Variants in DSE observed in about 807,000 individuals in gnomAD.
DSE encodes dermatan sulfate epimerase, also known as dermatan-sulfate epimerase.
DSE carries 36 observed loss-of-function variants against 84.4 expected under a neutral mutation model. That is an observed-to-expected ratio of 0.43 (90% confidence interval 0.33 to 0.56). The LOEUF (loss-of-function observed/expected upper bound fraction) is 0.56. Among genes scored for constraint, DSE ranks in the 20% least tolerant of loss-of-function variants. The pLI, the probability that DSE is intolerant of heterozygous loss-of-function variation, is 0.06. For missense variants in DSE, 862 were observed against 1,169.6 expected (o/e 0.74, Z 3.84); for synonymous variants, 410 against 430.1 (o/e 0.95, Z 0.58).
intron 2 of DSE, among the ~76,000 whole-genome samples, chr6:116,305,665 T>C (rs975396660): frequency 4.6e-5 from 7 of 152,142 alleles, no homozygotes; most frequent in Non-Finnish European, 7.3e-5. Flanking sequence ...GAGTTGGAGT[T>C]TCGCTCTTGT....
In DSE at chr6:116,405,151, C is replaced by T. The variant is rs1372311743; in HGVS notation, c.416+5485C>T. 2.6e-5 allele frequency among the ~76,000 whole-genome samples: 4 copies of T among 152,238 alleles called. No individual in the cohort carries two copies. In the East Asian group the frequency reaches 7.7e-4, roughly 29 times the overall value. ...ATATTGAAATGAACCAGTTTCATTG[C>T]TGTACGTATGAAAATGAGGAGTGTG... On this transcript the variant is annotated intron_variant, in intron 2 of 5. Transcript: ENST00000644252.
intron 2 of DSE, among the ~76,000 whole-genome samples, chr6:116,416,501 C>A (rs2115037279): frequency 6.6e-6 from 1 of 151,894 alleles, no homozygotes; most frequent in African/African-American, 2.4e-5. Context: ...TTATAGACTT[C>A]TTGTCCTCCG....
chr6:116,419,572 C>T (rs903183450), intron 2 of DSE, among the ~76,000 whole-genome samples: 1 of 152,142 alleles, frequency 6.6e-6, no homozygotes, highest in Non-Finnish European at 1.5e-5. Flanking sequence ...CCCAAGTGCA[C>T]GTGGACAGAG....
intron 2 of DSE, among the ~76,000 whole-genome samples, chr6:116,328,289 A>G (rs932521465): frequency 6.6e-6 from 1 of 152,240 alleles, no homozygotes; most frequent in African/African-American, 2.4e-5. Context: ...AATGTATACA[A>G]TAAGTTCTTA....
At chr6:116,317,944 T>C (rs1305663723) in intron 2 of DSE, among the ~76,000 whole-genome samples, 1 of 152,250 alleles carries the variant, frequency 6.6e-6, no homozygotes, top group African/African-American at 2.4e-5. Context: ...TCAGTTTGGT[T>C]CTTTATTATT....
chr6:116,430,877 G>C, intron 3 of DSE, 77 bp from the exon 4 acceptor site: 3 of 1,564,968 alleles, frequency 1.9e-6, no homozygotes, highest in Non-Finnish European at 2.6e-6. Flanking sequence ...ATAACTCAGA[G>C]GGTTTTATTG....
chr6:116,330,665 A>G (rs1012621685), intron 2 of DSE, among the ~76,000 whole-genome samples: 2 of 152,346 alleles, frequency 1.3e-5, no homozygotes, highest in South Asian at 4.1e-4. Context: ...ACATGATGAA[A>G]TAGAAATTAT....
intron 2 of DSE, among the ~76,000 whole-genome samples, chr6:116,314,683 T>C (rs914396892): frequency 2.6e-5 from 4 of 152,224 alleles, no homozygotes; most frequent in African/African-American, 9.6e-5. Flanking sequence ...GGGAAATTAT[T>C]ACATATTAAA....
chr6:116,410,897 G>A (rs577357054), intron 2 of DSE, among the ~76,000 whole-genome samples: 1 of 152,108 alleles, frequency 6.6e-6, no homozygotes, highest in East Asian at 1.9e-4. Flanking sequence ...TAAATAATTA[G>A]CATTCATAAG....
Position 116,279,368 on chromosome 6 carries a change from C to T in DSE, c.-54+20401C>T, listed in dbSNP as rs202091780. The T allele has an allele frequency of 2.5e-6, 4 of 1,612,224 alleles. No homozygotes were observed. Among genetic ancestry groups the T allele is most frequent in the Admixed American group, 3.3e-5 (2 of 60,030 alleles). On this transcript the variant is annotated intron_variant, in intron 2 of 3. Coordinates refer to the DSE transcript ENST00000430252. ...ACGGTGGCGCACTTTCCTGTCTTCA[C>T]CTCCTCCGCCTCAGCCTCCGCCCCC...
Position 116,412,260 on chromosome 6 carries a change from G to GT in DSE, c.416+12605dup, listed in dbSNP as rs1392763265. 2.8e-3 allele frequency among the ~76,000 whole-genome samples: 403 copies of GT among 146,322 alleles called. 1 individual carries two copies. The highest frequency in any genetic ancestry group is 7.3e-3 in the African/African-American group (295 of 40,156). On this transcript the variant is annotated intron_variant, in intron 2 of 5. Coordinates refer to ENST00000644252, the MANE Select transcript of DSE (RefSeq NM_013352.4). Reference sequence around the variant, plus strand: ...TTGGAGGTCAAGGGATGTTTTTCTTGTTTTTTTTTTTCCACACCATGACAA... The same window carrying GT: ...TTGGAGGTCAAGGGATGTTTTTCTTGTTTTTTTTTTTTCCACACCATGACAA...
chr6:116,419,536 T>A (rs942370455), intron 2 of DSE, among the ~76,000 whole-genome samples: 1 of 152,242 alleles, frequency 6.6e-6, no homozygotes, highest in Non-Finnish European at 1.5e-5. Context: ...AGAGTTGACC[T>A]AATTCTGGCC....
At chr6:116,269,030 G>GAA (rs538309017) in intron 2 of DSE, among the ~76,000 whole-genome samples, 125 of 132,256 alleles carry the variant, frequency 9.5e-4, no homozygotes, top group African/African-American at 3.1e-3. Flanking sequence ...AAAAAAAAAA[G>GAA]AAAAAAAAAA....
intron 2 of DSE, among the ~76,000 whole-genome samples, chr6:116,265,422 AG>A (rs961785738): frequency 1.3e-5 from 2 of 152,118 alleles, no homozygotes; most frequent in African/African-American, 4.8e-5. Flanking sequence ...GGCAGTCAGC[AG>A]GGGGAGTGGA....
At chr6:116,294,735 A>C (rs1209703023) in intron 2 of DSE, among the ~76,000 whole-genome samples, 1 of 152,196 alleles carries the variant, frequency 6.6e-6, no homozygotes, top group African/African-American at 2.4e-5. Flanking sequence ...CCAGAGTTTC[A>C]CCATCTAGTC....
At chr6:116,275,697 G>A (rs1395465783) in intron 2 of DSE, among the ~76,000 whole-genome samples, 1 of 152,054 alleles carries the variant, frequency 6.6e-6, no homozygotes, top group Admixed American at 6.6e-5. Context: ...CTACTCGGGA[G>A]GCTGATGCTG....
intron 2 of DSE, among the ~76,000 whole-genome samples, chr6:116,308,501 G>A (rs149645404): frequency 1.3e-5 from 2 of 152,218 alleles, no homozygotes; most frequent in Non-Finnish European, 2.9e-5. Context: ...GTATTATGAC[G>A]ATGGCCTGGC....
chr6:116,430,683 A>G (rs1164625173), intron 3 of DSE, among the ~76,000 whole-genome samples: 1 of 152,130 alleles, frequency 6.6e-6, no homozygotes, highest in Non-Finnish European at 1.5e-5. Context: ...CTGGGACTAC[A>G]GGCATCTGCC....
At chr6:116,345,331 T>C (rs1483858451) in intron 2 of DSE, among the ~76,000 whole-genome samples, 1 of 152,134 alleles carries the variant, frequency 6.6e-6, no homozygotes, top group Non-Finnish European at 1.5e-5. Context: ...CTCAGCACCG[T>C]ATTGCACTTA....
Sources: allele counts gnomAD v4.1 joint callset (sites outside exome capture counted in the v4.1 genomes callset), GRCh38; gene constraint gnomAD v4.1.1; transcripts MANE v1.5; gene names NCBI Gene and HGNC (gene_info 2026-07-23, HGNC 2026-07-21).